Variants in USP42 observed in about 807,000 individuals in gnomAD.
The protein encoded by USP42 is ubiquitin specific peptidase 42.
USP42 carries 23 observed loss-of-function variants against 113.0 expected under a neutral mutation model. The ratio of observed to expected loss-of-function variants is 0.20; its 90% CI spans 0.15 to 0.29. The LOEUF (loss-of-function observed/expected upper bound fraction) is 0.29. USP42 is among the 10% of genes least tolerant of loss of function. The probability of loss-of-function intolerance (pLI) is 1.00; values close to 1 mark genes in which losing one functional copy is unlikely to be tolerated. For missense variants in USP42, 2,174 were observed against 1,779.8 expected (o/e 1.22, Z -3.99); for synonymous variants, 933 against 699.0 (o/e 1.33, Z -5.28).
chr7:6,127,179 T>C (rs1272007655), intron 3 of USP42, among the ~76,000 whole-genome samples: 2 of 152,216 alleles, frequency 1.3e-5, no homozygotes, highest in African/African-American at 4.8e-5. Flanking sequence ...TCATGTTCTT[T>C]GTTGTTGTAC....
At position 6,139,390 on chromosome 7, in the gene USP42, G is replaced by C. The variant is rs531170082; in HGVS notation, c.656+196G>C. 4.7e-5 allele frequency: 22 copies of C among 463,218 alleles called. No individual in the cohort carries two copies. Among genetic ancestry groups the C allele is most frequent in the Admixed American group, 2.9e-4 (7 of 24,200 alleles). The allele number at this position is 463,218 out of a possible 1,614,324, so 28.7% of individuals were successfully genotyped here. A position where few individuals can be genotyped will look rare whatever the true frequency, so the allele number is the denominator to read the frequency against. ...GTTGAAATTTACACGTGTGTCTTAC[G>C]TAACAGTTTGAGTTGGCTCAATCAT... On this transcript the variant is annotated intron_variant, in intron 5 of 17. Coordinates refer to ENST00000306177, the MANE Select transcript of USP42 (RefSeq NM_032172.3). The surrounding 1 kb of genome is among the most constrained non-coding windows in gnomAD (Gnocchi z 4.5).
chr7:6,138,693 C>T (rs1247628552), intron 4 of USP42, among the ~76,000 whole-genome samples: 6 of 152,170 alleles, frequency 3.9e-5, no homozygotes, highest in Admixed American at 2.0e-4. Context: ...ACCTGAGCTC[C>T]GCCTCCTGTC....
chr7:6,153,256 G>T (rs1278185286), intron 14 of USP42, among the ~76,000 whole-genome samples: 1 of 150,412 alleles, frequency 6.6e-6, no homozygotes, highest in African/African-American at 2.5e-5. Flanking sequence ...CTGGGCAACA[G>T]AGTGGGACTC....
the USP42 span, among the ~76,000 whole-genome samples, chr7:6,096,867 C>T: frequency 2.0e-5 from 3 of 151,142 alleles, no homozygotes; most frequent in East Asian, 1.9e-4. Context: ...CCTTCTGCTG[C>T]GTAAGCACTG....
intron 3 of USP42, among the ~76,000 whole-genome samples, chr7:6,124,669 GATT>G (rs1780425919): frequency 6.6e-6 from 1 of 152,078 alleles, no homozygotes; most frequent in Non-Finnish European, 1.5e-5. Context: ...CATTTAATGA[GATT>G]ATTGGTATGA....
chr7:6,114,322 A>G (rs773591134), intron 2 of USP42, among the ~76,000 whole-genome samples: 6 of 152,026 alleles, frequency 3.9e-5, no homozygotes, highest in African/African-American at 7.2e-5. Context: ...CATTTTTTCT[A>G]TTGATTGTAT....
chr7:6,093,724 A>G, the USP42 span, among the ~76,000 whole-genome samples: 8 of 136,626 alleles, frequency 5.9e-5, no homozygotes, highest in Non-Finnish European at 1.2e-4. Flanking sequence ...TTTTTGTGGT[A>G]AAATATGGTA....
chr7:6,138,498 AT>A (rs1186044763), intron 4 of USP42, among the ~76,000 whole-genome samples: 2 of 152,220 alleles, frequency 1.3e-5, no homozygotes, highest in Non-Finnish European at 2.9e-5. Flanking sequence ...GTGTAACTTT[AT>A]TAACTTGCTA....
At chr7:6,155,231 C>G (rs1250546916) in intron 15 of USP42, 36 bp downstream of exon 15, 25 of 1,490,644 alleles carry the variant, frequency 1.7e-5, no homozygotes, top group Non-Finnish European at 2.0e-5. Flanking sequence ...GAGGCGCTGG[C>G]GCTGCTGTCA....
At position 6,155,031 on chromosome 7, in the gene USP42, C is replaced by G; in HGVS notation, c.3477C>G (p.Ser1159=). ...DRFHEHENGK[S]RKRRHDSVEN... ...TTCACGAACACGAAAATGGAAAGTC[C>G]CGGAAACGGAGACACGACAGTGTGG... The change falls in exon 15 of 18, where the codon TCC becomes TCG. Residue 1159 remains serine, a synonymous_variant. Coordinates refer to ENST00000306177, the MANE Select transcript of USP42 (RefSeq NM_032172.3). The G allele has an allele frequency of 6.4e-7, 1 of 1,563,810 alleles. No individual in the cohort carries two copies.
intron 15 of USP42, among the ~76,000 whole-genome samples, 155 bp from the exon 16 acceptor site, chr7:6,156,599 G>A (rs7803199): frequency 0.035 from 5,287 of 151,970 alleles, 297 homozygotes; most frequent in African/African-American, 0.12. Context: ...ACAGGTGTGC[G>A]CCACCATACC....
At chr7:6,129,551 T>C (rs1442836918) in intron 3 of USP42, among the ~76,000 whole-genome samples, 2 of 135,244 alleles carry the variant, frequency 1.5e-5, no homozygotes, top group East Asian at 4.2e-4. Context: ...AGTGAGGCTC[T>C]GCCTCAGGAA....
chr7:6,086,974 T>C, the USP42 span, among the ~76,000 whole-genome samples: 2 of 149,728 alleles, frequency 1.3e-5, no homozygotes, highest in Non-Finnish European at 2.9e-5. Context: ...GTGATTTGCC[T>C]GCTTCAGCCT....
At chr7:6,133,205 A>C (rs1211883612) in intron 3 of USP42, among the ~76,000 whole-genome samples, 6 of 152,238 alleles carry the variant, frequency 3.9e-5, no homozygotes, top group Non-Finnish European at 5.9e-5. Context: ...CTGACAGCTC[A>C]GTCAGGGTAC....
chr7:6,154,684 T>TG lies in USP42; in HGVS notation c.3134dup (p.Arg1046ProfsTer19), dbSNP rs976362351. The stretch of plus-strand genomic sequence containing the variant: ...CCACTACACCGAGGGCGAGCGTGGC[T>TG]GGGGCCGGGAGAAGTTCTACCCCGA... On this transcript the variant is annotated frameshift_variant, in exon 15 of 18. Coordinates refer to ENST00000306177, the MANE Select transcript of USP42 (RefSeq NM_032172.3). LOFTEE classifies it high-confidence loss of function. 6.2e-7 allele frequency: 1 copy of TG among 1,604,474 alleles called. No homozygotes were observed. Among genetic ancestry groups the TG allele is most frequent in the African/African-American group, 1.3e-5 (1 of 74,736 alleles).
rs1435070442 is a variant in USP42 at position 6,158,422 on chromosome 7, A to G, written c.3944-1028A>G. Among the ~76,000 whole-genome samples, 1 of 152,148 alleles carries G rather than the reference A, an allele frequency of 6.6e-6. No homozygotes were observed. Among genetic ancestry groups the G allele is most frequent in the African/African-American group, 2.4e-5 (1 of 41,426 alleles). ...TTGACGAATCTTCAGGGCTGCCCTG[A>G]GGCCTTTTGCTTCTCGGCTGAGTTG... On this transcript the variant is annotated intron_variant, in intron 16 of 17. Transcript: ENST00000306177. The surrounding 1 kb of genome is among the most constrained non-coding windows in gnomAD (Gnocchi z 4.2).
chr7:6,154,613 A>G lies in USP42; in HGVS notation c.3059A>G (p.His1020Arg), dbSNP rs1035509470. ...CGCTCTCTGGGCAGGTGCAGTCACCACCACTCCCGACACCGGAGCGGGGTG... is the reference window on the plus strand; with the variant it reads ...CGCTCTCTGGGCAGGTGCAGTCACCGCCACTCCCGACACCGGAGCGGGGTG... ...ERRSLGRCSH[H>R]HSRHRSGVEL... The change falls in exon 15 of 18, where the codon CAC (histidine) becomes CGC (arginine). Residue 1020 changes from histidine (H) to arginine (R), a missense_variant. By Grantham distance (29) the His-to-Arg change is conservative. Coordinates refer to ENST00000306177, the MANE Select transcript of USP42 (RefSeq NM_032172.3). 56 of 1,592,784 alleles carry G rather than the reference A, an allele frequency of 3.5e-5. No individual in the cohort carries two copies. Among genetic ancestry groups the G allele is most frequent in the Non-Finnish European group, 4.4e-5 (52 of 1,171,680 alleles).
At chr7:6,089,649 C>G in the USP42 span, among the ~76,000 whole-genome samples, 10 of 149,638 alleles carry the variant, frequency 6.7e-5, no homozygotes, top group Admixed American at 6.6e-4. Flanking sequence ...TCTCCTTCCT[C>G]AGCCTCCTGA....
At chr7:6,113,565 T>A (rs752177633) in intron 2 of USP42, among the ~76,000 whole-genome samples, 3 of 152,178 alleles carry the variant, frequency 2.0e-5, no homozygotes, top group Non-Finnish European at 2.9e-5. Flanking sequence ...CTAATAAGTC[T>A]CTTCAGATGG....
Sources: gnomAD v4.1 joint callset for allele counts (sites outside exome capture counted in the v4.1 genomes callset) on GRCh38, gnomAD v4.1.1 for gene constraint, Gnocchi (gnomAD v3.1) non-coding constraint, MANE v1.5 for transcripts, NCBI Gene and HGNC (gene_info 2026-07-23, HGNC 2026-07-21) for gene names.